COL23A1: variants seen among roughly 807,000 people sequenced by gnomAD.
The protein encoded by COL23A1 is collagen alpha-1(XXIII) chain.
Under a neutral mutation model 99.3 loss-of-function variants are expected in COL23A1, and 97 were observed. That is an observed-to-expected ratio of 0.98 (90% CI 0.83 to 1.16). COL23A1 has a LOEUF of 1.16. Ranked by LOEUF, COL23A1 falls within the 50% of genes most tolerant of loss-of-function variation. The pLI, the probability that COL23A1 is intolerant of heterozygous loss-of-function variation, is 0.00. For synonymous variants in COL23A1, 320 were observed against 308.2 expected (o/e 1.04, Z -0.40); for missense variants, 762 against 757.4 (o/e 1.01, Z -0.07).
At chr5:178,341,091 C>A (rs1414856353) in intron 2 of COL23A1, among the ~76,000 whole-genome samples, 1 of 152,054 alleles carries the variant, frequency 6.6e-6, no homozygotes, top group Non-Finnish European at 1.5e-5. Flanking sequence ...CTGGCTGCAT[C>A]CCCCCACTCC....
chr5:178,393,945 G>C (rs940484891), intron 2 of COL23A1, among the ~76,000 whole-genome samples: 1 of 152,156 alleles, frequency 6.6e-6, no homozygotes, highest in African/African-American at 2.4e-5. Flanking sequence ...CTTTTCAACT[G>C]ATTTTCCAAG....
intron 16 of COL23A1, among the ~76,000 whole-genome samples, chr5:178,253,540 A>G (rs1288970761): frequency 6.6e-6 from 1 of 151,616 alleles, no homozygotes. Context: ...TGGAGTGCAG[A>G]GGTGCGATCT....
At chr5:178,469,896 C>T (rs931717778) in intron 2 of COL23A1, among the ~76,000 whole-genome samples, 80 of 152,186 alleles carry the variant, frequency 5.3e-4, no homozygotes, top group Admixed American at 1.6e-3. Context: ...TTTCGTCATG[C>T]TAACTGGGTT....
chr5:178,581,281 C>T (rs1392795013), intron 1 of COL23A1, among the ~76,000 whole-genome samples: 1 of 152,110 alleles, frequency 6.6e-6, no homozygotes, highest in Non-Finnish European at 1.5e-5. Flanking sequence ...AAAATTAAAA[C>T]GAGGCTGAGC....
chr5:178,273,898 G>C (rs143178681), intron 5 of COL23A1, among the ~76,000 whole-genome samples: 3 of 152,290 alleles, frequency 2.0e-5, no homozygotes, highest in Admixed American at 6.5e-5. Flanking sequence ...CTCCCCTCCT[G>C]TCCTGGGGAA....
chr5:178,308,336 T>C lies in COL23A1; in HGVS notation c.362-1417A>G, dbSNP rs1456491855. ...AGCCTCAGGGACAGGGGACTTGAGG[T>C]GAGGATTGTTAAACAAAACTTAAAA... On this transcript the variant is annotated intron_variant, in intron 2 of 28. Transcript: ENST00000390654. This position sits in a 1 kb window ranked among gnomAD's most constrained non-coding sequence, Gnocchi z 5.1. 6.6e-6 allele frequency among the ~76,000 whole-genome samples: 1 copy of C among 152,040 alleles called. No homozygotes were observed. The highest frequency in any genetic ancestry group is 6.6e-5 in the Admixed American group (1 of 15,260).
At chr5:178,245,836 C>G in intron 25 of COL23A1, 106 bp downstream of exon 25, 1 of 1,349,924 alleles carries the variant, frequency 7.4e-7, no homozygotes, top group Non-Finnish European at 1.1e-6. Flanking sequence ...AGTCCCAGCC[C>G]TGGGGAAAGG....
chr5:178,329,522 T>C (rs1759884605), intron 2 of COL23A1, among the ~76,000 whole-genome samples: 1 of 151,970 alleles, frequency 6.6e-6, no homozygotes, highest in African/African-American at 2.4e-5. Flanking sequence ...CAGCCAGAAG[T>C]AGGGCCAAGG....
chr5:178,525,987 A>C (rs549084034), intron 2 of COL23A1, among the ~76,000 whole-genome samples: 1 of 149,908 alleles, frequency 6.7e-6, no homozygotes, highest in Admixed American at 6.6e-5. Context: ...ACAAACTTGA[A>C]GATGGTAACA....
At chr5:178,426,452 G>A (rs888663708) in intron 2 of COL23A1, among the ~76,000 whole-genome samples, 1 of 152,102 alleles carries the variant, frequency 6.6e-6, no homozygotes, top group African/African-American at 2.4e-5. Context: ...CCCTGTTTTC[G>A]TGCACACTCC....
At chr5:178,497,321 C>T (rs1758248481) in intron 2 of COL23A1, among the ~76,000 whole-genome samples, 1 of 152,198 alleles carries the variant, frequency 6.6e-6, no homozygotes, top group Admixed American at 6.5e-5. Flanking sequence ...GAATGTCCAG[C>T]TTTGCTGCAT....
intron 2 of COL23A1, among the ~76,000 whole-genome samples, chr5:178,479,604 G>A (rs1757223390): frequency 6.6e-6 from 1 of 152,178 alleles, no homozygotes; most frequent in African/African-American, 2.4e-5. Flanking sequence ...AGGATGAGAT[G>A]ATACATGTTA....
chr5:178,311,507 C>T (rs7722492), intron 2 of COL23A1, among the ~76,000 whole-genome samples: 6,748 of 26,078 alleles, frequency 0.26, 227 homozygotes, highest in Middle Eastern at 0.36. Flanking sequence ...TGTGTGTGTG[C>T]GCGTGTGTGT....
chr5:178,362,130 C>T (rs1581231539), intron 2 of COL23A1, among the ~76,000 whole-genome samples: 1 of 152,202 alleles, frequency 6.6e-6, no homozygotes, highest in Non-Finnish European at 1.5e-5. Context: ...TGTGGCAGGG[C>T]ATTGAGGTGG....
intron 2 of COL23A1, among the ~76,000 whole-genome samples, chr5:178,546,585 C>T (rs1255751280): frequency 6.6e-6 from 1 of 152,194 alleles, no homozygotes; most frequent in Non-Finnish European, 1.5e-5. Context: ...CGGTGACGCG[C>T]CACTAACACT....
rs565504981 is a variant in COL23A1 at position 178,406,472 on chromosome 5, C to T, written c.362-99553G>A. Reference sequence around the variant, plus strand: ...TGAGACGGAGTCTCGCTCTGTCATCCAGGCTGGAGTGAAATGGCGACATCT... The same window carrying T: ...TGAGACGGAGTCTCGCTCTGTCATCTAGGCTGGAGTGAAATGGCGACATCT... On this transcript the variant is annotated intron_variant, in intron 2 of 28. Transcript: ENST00000390654. Among the ~76,000 whole-genome samples, 15 of 150,754 alleles carry T rather than the reference C, an allele frequency of 9.9e-5. No individual in the cohort carries two copies. The East Asian group carries it at 2.3e-3, about 24-fold the overall frequency.
rs79024251 is a variant in COL23A1 at position 178,579,012 on chromosome 5, G to A, written c.294+10892C>T. Among the ~76,000 whole-genome samples the A allele has an allele frequency of 9.7e-3, 1,482 of 152,258 alleles. 7 individuals are homozygous for A. Among genetic ancestry groups the A allele is most frequent in the Middle Eastern group, 0.027 (8 of 292 alleles). ...ATGATAAACCAAAAAATGGGGTCAT[G>A]AAGCAAATTCAGTCTTTGCATTTCT... On this transcript the variant is annotated intron_variant, in intron 1 of 28. Coordinates refer to ENST00000390654, the MANE Select transcript of COL23A1 (RefSeq NM_173465.4).
chr5:178,550,605 T>C (rs1424934525), intron 2 of COL23A1, among the ~76,000 whole-genome samples: 1 of 152,242 alleles, frequency 6.6e-6, no homozygotes, highest in Non-Finnish European at 1.5e-5. Context: ...GCCATGGTTG[T>C]ATTTTTTACA....
intron 2 of COL23A1, among the ~76,000 whole-genome samples, chr5:178,438,183 C>T (rs1434674493): frequency 1.3e-5 from 2 of 152,334 alleles, no homozygotes; most frequent in South Asian, 2.1e-4. Context: ...ACCTAGAGAA[C>T]TGAAGACACC....
Sources: gnomAD v4.1 joint callset for allele counts (sites outside exome capture counted in the v4.1 genomes callset) on GRCh38, gnomAD v4.1.1 for gene constraint, Gnocchi (gnomAD v3.1) non-coding constraint, MANE v1.5 for transcripts, NCBI Gene and HGNC (gene_info 2026-07-23, HGNC 2026-07-21) for gene names.